GALK2: variants seen among roughly 807,000 people sequenced by gnomAD.
GALK2 encodes N-acetylgalactosamine kinase.
A neutral mutation model predicts 52.4 loss-of-function variants in GALK2; 36 were observed. The observed-to-expected ratio is 0.69, with a 90% confidence interval of 0.53 to 0.91. GALK2 has a LOEUF of 0.91. GALK2 is among the 40% of genes least tolerant of loss of function. The probability of loss-of-function intolerance (pLI) is 0.00; values close to 1 mark genes in which losing one functional copy is unlikely to be tolerated. For missense variants in GALK2, 579 were observed against 559.1 expected (o/e 1.04, Z -0.36); for synonymous variants, 176 against 199.1 (o/e 0.88, Z 0.98).
chr15:49,178,195 C>CTATATATATATATATATATA (rs71120671), intron 1 of GALK2, among the ~76,000 whole-genome samples: 3 of 50,522 alleles, frequency 5.9e-5, no homozygotes, highest in Non-Finnish European at 6.9e-5. Flanking sequence ...AAAAGAAATA[C>CTATATATATATATATATATA]TATATATATA....
chr15:49,311,109 A>G (rs1315343161), intron 8 of GALK2, among the ~76,000 whole-genome samples: 2 of 152,150 alleles, frequency 1.3e-5, no homozygotes, highest in Non-Finnish European at 2.9e-5. Flanking sequence ...TTCTGCATAT[A>G]AATATCCAGT....
intron 4 of GALK2, among the ~76,000 whole-genome samples, chr15:49,237,393 C>A (rs2090871254): frequency 6.6e-6 from 1 of 152,158 alleles, no homozygotes; most frequent in East Asian, 1.9e-4. Context: ...GTGGCATATA[C>A]CCATTTGCAT....
intron 5 of GALK2, among the ~76,000 whole-genome samples, chr15:49,281,363 C>T (rs191296047): frequency 2.6e-5 from 4 of 152,294 alleles, no homozygotes; most frequent in Admixed American, 2.6e-4. Flanking sequence ...TTCGAAATGC[C>T]TGGTTGAGGC....
chr15:49,261,553 C>T (rs1213024483), intron 5 of GALK2, among the ~76,000 whole-genome samples: 1 of 152,096 alleles, frequency 6.6e-6, no homozygotes, highest in Non-Finnish European at 1.5e-5. Context: ...ATTGAATACC[C>T]TTTATTTCCT....
chr15:49,323,804 G>A (rs2151094007), intron 9 of GALK2, among the ~76,000 whole-genome samples: 1 of 152,194 alleles, frequency 6.6e-6, no homozygotes, highest in East Asian at 1.9e-4. Context: ...AATCAGTTTA[G>A]AATCTAAAGA....
At chr15:49,294,602 A>G (rs1228082675) in intron 8 of GALK2, among the ~76,000 whole-genome samples, 1 of 152,196 alleles carries the variant, frequency 6.6e-6, no homozygotes, top group African/African-American at 2.4e-5. Context: ...TCTTTAACAA[A>G]TCGTATTGAC....
At chr15:49,271,084 C>A (rs1195682373) in intron 5 of GALK2, among the ~76,000 whole-genome samples, 1 of 152,168 alleles carries the variant, frequency 6.6e-6, no homozygotes, top group East Asian at 1.9e-4. Context: ...AGCCTGCCGC[C>A]CATCCATTAT....
intron 3 of GALK2, among the ~76,000 whole-genome samples, chr15:49,355,899 A>T (rs1596465357): frequency 1.3e-5 from 2 of 152,242 alleles, no homozygotes; most frequent in Non-Finnish European, 2.9e-5. Context: ...CTCTCGGCAG[A>T]AACCCTACAA....
chr15:49,224,803 T>C (rs936544784), intron 3 of GALK2, among the ~76,000 whole-genome samples: 1 of 152,248 alleles, frequency 6.6e-6, no homozygotes, highest in Non-Finnish European at 1.5e-5. Context: ...TTTAGTTTTT[T>C]CACTGATTCT....
intron 8 of GALK2, among the ~76,000 whole-genome samples, chr15:49,312,782 CT>C: frequency 6.6e-6 from 1 of 152,150 alleles, no homozygotes; most frequent in East Asian, 1.9e-4. Flanking sequence ...GAAGGGTTAC[CT>C]TGTGTTTACA....
chr15:49,193,143 A>G (rs1480829295), intron 1 of GALK2, among the ~76,000 whole-genome samples: 2 of 151,880 alleles, frequency 1.3e-5, no homozygotes, highest in Non-Finnish European at 2.9e-5. Context: ...GACTGCAGGC[A>G]TGTGCCACCA....
intron 3 of GALK2, among the ~76,000 whole-genome samples, chr15:49,226,157 A>G (rs1291890570): frequency 1.3e-5 from 2 of 152,104 alleles, no homozygotes; most frequent in Non-Finnish European, 2.9e-5. Flanking sequence ...CCTCCATTCC[A>G]TATAGGCTGG....
At chr15:49,199,459 C>T (rs77194244) in intron 1 of GALK2, among the ~76,000 whole-genome samples, 4,488 of 152,136 alleles carry the variant, frequency 0.029, 94 homozygotes, top group Non-Finnish European at 0.044. Flanking sequence ...GATATGCTAG[C>T]GATATCAGTT....
At chr15:49,186,548 T>C (rs1002133216) in intron 1 of GALK2, among the ~76,000 whole-genome samples, 21 of 149,578 alleles carry the variant, frequency 1.4e-4, no homozygotes, top group African/African-American at 5.2e-4. Context: ...TTTTCTTTTT[T>C]TTTTTTTTTT....
chr15:49,160,505 G>A (rs1363202662), intron 1 of GALK2, among the ~76,000 whole-genome samples: 1 of 151,830 alleles, frequency 6.6e-6, no homozygotes, highest in Non-Finnish European at 1.5e-5. Flanking sequence ...CCTGTACCTG[G>A]GATGACTATA....
intron 3 of GALK2, among the ~76,000 whole-genome samples, chr15:49,350,963 C>A (rs2042158394): frequency 6.6e-6 from 1 of 152,200 alleles, no homozygotes; most frequent in African/African-American, 2.4e-5. Flanking sequence ...GTTGTTAAGG[C>A]CACCATGTAC....
chr15:49,336,665 A>T (rs1050335023), downstream of GALK2, among the ~76,000 whole-genome samples: 2 of 152,160 alleles, frequency 1.3e-5, no homozygotes, highest in East Asian at 1.9e-4. Flanking sequence ...TTATTTAAAT[A>T]ATTTATTTAT....
chr15:49,215,475 G>A (rs777683348), intron 2 of GALK2, among the ~76,000 whole-genome samples: 1 of 151,968 alleles, frequency 6.6e-6, no homozygotes, highest in African/African-American at 2.4e-5. Context: ...CTGTCTTCAG[G>A]TTCACTATTT....
At chr15:49,197,002 G>A (rs2087290484) in intron 1 of GALK2, among the ~76,000 whole-genome samples, 1 of 152,178 alleles carries the variant, frequency 6.6e-6, no homozygotes, top group Non-Finnish European at 1.5e-5. Flanking sequence ...CCACAGGATT[G>A]CCTGAGCCCA....
Sources: gnomAD v4.1 joint callset for allele counts (sites outside exome capture counted in the v4.1 genomes callset) on GRCh38, gnomAD v4.1.1 for gene constraint, MANE v1.5 for transcripts, NCBI Gene and HGNC (gene_info 2026-07-23, HGNC 2026-07-21) for gene names.